Variants in PRDM1 observed in about 807,000 individuals in gnomAD.
The protein encoded by PRDM1 is PR domain zinc finger protein 1.
A neutral mutation model predicts 62.8 loss-of-function variants in PRDM1; 13 were observed. The observed-to-expected ratio is 0.21, with a 90% confidence interval of 0.13 to 0.33. The LOEUF (loss-of-function observed/expected upper bound fraction) is 0.33, where lower values mean the gene tolerates loss of function less well. PRDM1 is among the 10% of genes least tolerant of loss of function. The pLI is 1.00. For synonymous variants in PRDM1, 396 were observed against 417.6 expected (o/e 0.95, Z 0.63); for missense variants, 895 against 1,058.8 (o/e 0.85, Z 2.15).
intron 1 of PRDM1, among the ~76,000 whole-genome samples, chr6:106,031,296 TG>T: frequency 6.6e-6 from 1 of 152,168 alleles, no homozygotes; most frequent in East Asian, 1.9e-4. Flanking sequence ...TTTAAATATG[TG>T]GTTCCATGAT....
chr6:106,006,685 C>A (rs1006909405), intron 1 of PRDM1, among the ~76,000 whole-genome samples: 1 of 151,932 alleles, frequency 6.6e-6, no homozygotes, highest in African/African-American at 2.4e-5. Flanking sequence ...GAAGAAATTA[C>A]TTCCTTCTTT....
rs759548427 is a variant in PRDM1, at chr6:105,994,487, G to A, written c.-67+848G>A. 6.6e-6 allele frequency among the ~76,000 whole-genome samples: 1 copy of A among 152,186 alleles called. No individual in the cohort carries two copies. Among genetic ancestry groups the A allele is most frequent in the Admixed American group, 6.5e-5 (1 of 15,290 alleles). The stretch of plus-strand genomic sequence containing the variant: ...ATTACGTTTCTTGTTCTCCGAGCTC[G>A]AGCCCCCTTTTAAAAAGTCGCTCAC... On this transcript the variant is annotated intron_variant, in intron 1 of 6. Coordinates refer to the PRDM1 transcript ENST00000652320. The surrounding 1 kb of genome is among the most constrained non-coding windows in gnomAD (Gnocchi z 4.1).
At chr6:106,097,988 T>A (rs1774156920) in intron 3 of PRDM1, among the ~76,000 whole-genome samples, 2 of 152,222 alleles carry the variant, frequency 1.3e-5, no homozygotes, top group Non-Finnish European at 2.9e-5. Flanking sequence ...TACAGGAAGT[T>A]ACTCTTAAAA....
chr6:106,062,605 A>G (rs534505427), intron 1 of PRDM1, among the ~76,000 whole-genome samples: 34 of 152,334 alleles, frequency 2.2e-4, no homozygotes, highest in African/African-American at 8.2e-4. Context: ...AATTGCTCTA[A>G]CAAGAGTTAT....
intron 4 of PRDM1, chr6:106,100,554 C>T (rs1271701740): frequency 2.6e-5 from 4 of 152,244 alleles, no homozygotes; most frequent in Non-Finnish European, 5.9e-5. Context: ...CTCATTTTCA[C>T]CTTTGAGACA....
intron 1 of PRDM1, among the ~76,000 whole-genome samples, chr6:106,068,195 G>A (rs756151869): frequency 2.0e-5 from 3 of 151,792 alleles, no homozygotes; most frequent in Non-Finnish European, 4.4e-5. Flanking sequence ...GAGTTCAAGC[G>A]ATTCTCCTGC....
At chr6:106,073,506 T>G (rs1773554128) in intron 1 of PRDM1, among the ~76,000 whole-genome samples, 1 of 152,258 alleles carries the variant, frequency 6.6e-6, no homozygotes, top group Non-Finnish European at 1.5e-5. Flanking sequence ...GAATAATGAT[T>G]AAGCCATTTA....
chr6:106,060,451 C>T (rs1031151819), intron 1 of PRDM1, among the ~76,000 whole-genome samples: 4 of 152,064 alleles, frequency 2.6e-5, no homozygotes, highest in African/African-American at 7.2e-5. Context: ...TGGGGAGAGA[C>T]TGAGATGAGA....
intron 1 of PRDM1, among the ~76,000 whole-genome samples, chr6:106,080,070 A>C (rs948597546): frequency 6.6e-6 from 1 of 152,214 alleles, no homozygotes; most frequent in East Asian, 1.9e-4. Flanking sequence ...ATTGGCATTT[A>C]AAGCTCTGTT....
rs2114657045 is a variant in PRDM1 at position 106,105,675 on chromosome 6, G to A, written c.1515G>A (p.Met505Ile). Residue 505 changes from methionine (M) to isoleucine (I), a missense_variant, in exon 5 of 7, where the codon ATG (methionine) becomes ATA (isoleucine). Transcript: ENST00000369096. ...AFSFTGAAAS[M>I]KDKACSPTSG... is the part of the protein sequence containing the mutation. ...CCTTTACCGGGGCCGCCGCCAGCAT[G>A]AAGGACAAGGCCTGTAGCCCCACAA... 1 of 1,612,464 alleles carries A rather than the reference G, an allele frequency of 6.2e-7. No homozygotes were observed. Among genetic ancestry groups the A allele is most frequent in the East Asian group, 2.2e-5 (1 of 44,822 alleles).
At chr6:106,005,429 A>C (rs1772471524) in intron 1 of PRDM1, among the ~76,000 whole-genome samples, 1 of 152,240 alleles carries the variant, frequency 6.6e-6, no homozygotes, top group South Asian at 2.1e-4. Flanking sequence ...CCAGGTGTTT[A>C]ATTTCAAGAG....
intron 1 of PRDM1, among the ~76,000 whole-genome samples, chr6:106,014,362 A>G (rs528263044): frequency 2.0e-5 from 3 of 152,048 alleles, no homozygotes; most frequent in Non-Finnish European, 4.4e-5. Context: ...TGCCTGCCTC[A>G]GGACAAGGAA....
chr6:106,080,087 A>T (rs1773670902), intron 1 of PRDM1, among the ~76,000 whole-genome samples: 1 of 152,206 alleles, frequency 6.6e-6, no homozygotes, highest in South Asian at 2.1e-4. Context: ...TGTTGTTTAG[A>T]TAGAATTACA....
intron 1 of PRDM1, among the ~76,000 whole-genome samples, chr6:105,996,845 A>G (rs1010106351): frequency 6.6e-6 from 1 of 152,222 alleles, no homozygotes; most frequent in Non-Finnish European, 1.5e-5. Flanking sequence ...TTTCTGACAC[A>G]AATTAAATGT....
At chr6:106,082,799 A>C (rs1285266790), upstream of PRDM1, among the ~76,000 whole-genome samples, 1 of 152,190 alleles carries the variant, frequency 6.6e-6, no homozygotes, top group Non-Finnish European at 1.5e-5. Context: ...TATGTTTGTC[A>C]AAAGTTTTTG....
intron 1 of PRDM1, among the ~76,000 whole-genome samples, chr6:106,062,196 C>T (rs1773355227): frequency 6.6e-6 from 1 of 152,170 alleles, no homozygotes; most frequent in Non-Finnish European, 1.5e-5. Context: ...AAATTTGGAA[C>T]TGCCTATAGA....
At chr6:106,090,072 A>G (rs1773919889) in intron 2 of PRDM1, among the ~76,000 whole-genome samples, 1 of 152,248 alleles carries the variant, frequency 6.6e-6, no homozygotes, top group Admixed American at 6.5e-5. Flanking sequence ...TTCAAGGTTC[A>G]GAAAGACAGT....
At chr6:106,044,194 CTTT>C (rs559769433), upstream of PRDM1, among the ~76,000 whole-genome samples, 2 of 128,098 alleles carry the variant, frequency 1.6e-5, no homozygotes, top group African/African-American at 2.9e-5. Context: ...TTTTTTCTTT[CTTT>C]TTTTTTTTTT....
rs1772909273 is a variant in PRDM1 at position 106,035,315 on chromosome 6, A to G, written c.-67+41676A>G. Among the ~76,000 whole-genome samples, 5 of 152,274 alleles carry G rather than the reference A, an allele frequency of 3.3e-5. No homozygotes were observed. The South Asian group carries it at 1.0e-3, about 32-fold the overall frequency. Reference sequence around the variant, plus strand: ...AAATACATCCTTCTTCGTCTCTTCTAAACTCTTGGGATTTAATCTATTTTG... The same window carrying G: ...AAATACATCCTTCTTCGTCTCTTCTGAACTCTTGGGATTTAATCTATTTTG... On this transcript the variant is annotated intron_variant, in intron 1 of 6. Coordinates refer to the PRDM1 transcript ENST00000652320.
Sources: allele counts gnomAD v4.1 joint callset (sites outside exome capture counted in the v4.1 genomes callset), GRCh38; gene constraint gnomAD v4.1.1; non-coding constraint Gnocchi (gnomAD v3.1); transcripts MANE v1.5; gene names NCBI Gene and HGNC (gene_info 2026-07-23, HGNC 2026-07-21).